MMRN1: variants seen among roughly 807,000 people sequenced by gnomAD.
MMRN1 encodes the protein multimerin-1.
MMRN1 carries 94 observed loss-of-function variants against 100.7 expected under a neutral mutation model. The observed-to-expected ratio is 0.93, with a 90% confidence interval of 0.79 to 1.11. The LOEUF (loss-of-function observed/expected upper bound fraction) is 1.11. Among genes scored for constraint, MMRN1 ranks in the 50% least tolerant of loss-of-function variants. The pLI is 0.00. For synonymous variants in MMRN1, 575 were observed against 505.0 expected (o/e 1.14, Z -1.86); for missense variants, 1,606 against 1,439.1 (o/e 1.12, Z -1.88).
intron 1 of MMRN1, among the ~76,000 whole-genome samples, chr4:89,899,354 G>T (rs1721309296): frequency 6.6e-6 from 1 of 152,016 alleles, no homozygotes; most frequent in Non-Finnish European, 1.5e-5. Context: ...TTTATATGTT[G>T]AACAAATATT....
intron 1 of MMRN1, among the ~76,000 whole-genome samples, chr4:89,908,363 T>G (rs1442912785): frequency 6.6e-6 from 1 of 151,458 alleles, no homozygotes; most frequent in African/African-American, 2.4e-5. Context: ...CTGAAATTTA[T>G]GTTTTTAGTT....
chr4:89,919,983 C>A (rs914234528), intron 3 of MMRN1, among the ~76,000 whole-genome samples: 1 of 152,096 alleles, frequency 6.6e-6, no homozygotes, highest in Admixed American at 6.6e-5. Flanking sequence ...TTCACAAAAT[C>A]TATGCACTGC....
intron 4 of MMRN1, among the ~76,000 whole-genome samples, chr4:89,923,734 T>C (rs1722161499): frequency 6.6e-6 from 1 of 152,234 alleles, no homozygotes; most frequent in Non-Finnish European, 1.5e-5. Flanking sequence ...AACCTCCTGC[T>C]GATCCAAAGT....
At position 89,901,324 on chromosome 4, in the gene MMRN1, AAG is replaced by A. The variant is rs554825958; in HGVS notation, c.623+5733_623+5734del. ...AAGGTAAAATTTGAATATGCAGAAA[AAG>A]AGGGATTTTTTTTCTGAGTTTAATG... On this transcript the variant is annotated intron_variant, in intron 1 of 7. Coordinates refer to ENST00000264790, the MANE Select transcript of MMRN1 (RefSeq NM_007351.3). 3.5e-3 allele frequency among the ~76,000 whole-genome samples: 531 copies of A among 152,114 alleles called. 1 individual carries two copies. Among genetic ancestry groups the A allele is most frequent in the African/African-American group, 0.011 (477 of 41,488 alleles).
chr4:89,922,564 T>C (rs1188373708), intron 3 of MMRN1, among the ~76,000 whole-genome samples: 1 of 152,224 alleles, frequency 6.6e-6, no homozygotes, highest in Non-Finnish European at 1.5e-5. Flanking sequence ...AGATTTATTT[T>C]ACAAGAATTT....
At chr4:89,910,979 A>T (rs143922043) in intron 2 of MMRN1, among the ~76,000 whole-genome samples, 8 of 151,518 alleles carry the variant, frequency 5.3e-5, no homozygotes, top group Non-Finnish European at 7.4e-5. Flanking sequence ...AGCCCACATG[A>T]CATGGGCTAA....
At chr4:89,946,837 A>C (rs1383410816) in intron 6 of MMRN1, among the ~76,000 whole-genome samples, 1 of 152,192 alleles carries the variant, frequency 6.6e-6, no homozygotes, top group Non-Finnish European at 1.5e-5. Flanking sequence ...TATAAATGAA[A>C]TATCAGTTAT....
chr4:89,940,934 A>G (rs989563022), intron 6 of MMRN1, among the ~76,000 whole-genome samples: 4 of 152,142 alleles, frequency 2.6e-5, no homozygotes, highest in Admixed American at 6.6e-5. Context: ...GCATATGCTT[A>G]TAACTTAGCT....
chr4:89,894,507 A>G (rs943566509), upstream of MMRN1, among the ~76,000 whole-genome samples: 2 of 152,204 alleles, frequency 1.3e-5, no homozygotes, highest in African/African-American at 4.8e-5. Flanking sequence ...AAGTATCATA[A>G]AAACTTTTCT....
At chr4:89,918,538 C>T (rs548690967) in intron 3 of MMRN1, among the ~76,000 whole-genome samples, 32 of 151,964 alleles carry the variant, frequency 2.1e-4, no homozygotes, top group African/African-American at 7.0e-4. Flanking sequence ...TTCCATCTCT[C>T]TTTCCATCTT....
Position 89,952,882 on chromosome 4 carries a change from G to A in MMRN1, c.3266-115G>A, listed in dbSNP as rs576434946. The A allele has an allele frequency of 2.9e-4, 280 of 976,458 alleles. 3 individuals carry two copies. In the South Asian group the frequency reaches 4.6e-3, roughly 16 times the overall value. The allele number at this position is 976,458 out of a possible 1,614,324, so 60.5% of individuals were successfully genotyped here. A position where few individuals can be genotyped will look rare whatever the true frequency, so the allele number is the denominator to read the frequency against. On this transcript the variant is annotated intron_variant, in intron 7 of 7. Transcript: ENST00000264790. ...GCACCTTTGCTAAGTTTGATGGATG[G>A]CCTTTCTCTTCTGCTAAGACTTTTT... is the stretch of plus-strand genomic sequence containing the variant.
intron 5 of MMRN1, among the ~76,000 whole-genome samples, chr4:89,934,146 A>G (rs1020161343): frequency 2.0e-5 from 3 of 151,964 alleles, no homozygotes; most frequent in Admixed American, 6.6e-5. Context: ...TCTTTTTGTT[A>G]AAAATTAATG....
chr4:89,937,336 G>C (rs1722679342), intron 6 of MMRN1, among the ~76,000 whole-genome samples: 1 of 151,998 alleles, frequency 6.6e-6, no homozygotes, highest in African/African-American at 2.4e-5. Context: ...CAGTGGATTG[G>C]TTGTGATAAG....
chr4:89,903,424 T>C lies in MMRN1; in HGVS notation c.624-5852T>C, dbSNP rs58514521. Among the ~76,000 whole-genome samples the C allele has an allele frequency of 0.013, 1,981 of 151,820 alleles. 218 individuals are homozygous for C. The East Asian group carries it at 0.29, about 23-fold the overall frequency. On this transcript the variant is annotated intron_variant, in intron 1 of 7. Transcript: ENST00000264790. ...AAATGATGATGATGGTCTTCTGTAT[T>C]GGCTTTATGGAAATTATTGACTTGA...
intron 7 of MMRN1, among the ~76,000 whole-genome samples, chr4:89,951,952 T>TG (rs1723193205): frequency 1.3e-5 from 2 of 152,192 alleles, no homozygotes; most frequent in Admixed American, 6.6e-5. Flanking sequence ...CTTATTCACA[T>TG]GCACCTGTTG....
intron 3 of MMRN1, among the ~76,000 whole-genome samples, chr4:89,921,065 A>G (rs1722072312): frequency 6.6e-6 from 1 of 152,124 alleles, no homozygotes; most frequent in Non-Finnish European, 1.5e-5. Flanking sequence ...CAACAAAACA[A>G]TATTATCTTT....
intron 4 of MMRN1, 106 bp from the exon 5 acceptor site, chr4:89,927,689 T>C (rs1722304333): frequency 1.4e-5 from 14 of 975,340 alleles, no homozygotes; most frequent in Non-Finnish European, 2.0e-5. Flanking sequence ...TTTGTTGTGC[T>C]CCAGCTTACA....
chr4:89,936,647 G>C lies in MMRN1; in HGVS notation c.2967G>C (p.Ser989=). 3.1e-6 allele frequency: 5 copies of C among 1,613,422 alleles called. No individual in the cohort carries two copies. Among genetic ancestry groups the C allele is most frequent in the Non-Finnish European group, 4.2e-6 (5 of 1,179,622 alleles). Reference sequence around the variant, plus strand: ...ATTTAACTTGTTGTATAGATCGATCGTTGCCTGGTAGTCTGGCAAATGTTG... The same window carrying C: ...ATTTAACTTGTTGTATAGATCGATCCTTGCCTGGTAGTCTGGCAAATGTTG... ...LSNLTCCIDR[S]LPGSLANVVK... is the part of the protein sequence containing the mutation. Residue 989 remains serine, a synonymous_variant, in exon 6 of 8, where the codon TCG becomes TCC. Coordinates refer to ENST00000264790, the MANE Select transcript of MMRN1 (RefSeq NM_007351.3).
intron 1 of MMRN1, among the ~76,000 whole-genome samples, chr4:89,903,464 T>C (rs908852476): frequency 1.3e-5 from 2 of 151,708 alleles, no homozygotes; most frequent in African/African-American, 4.8e-5. Flanking sequence ...TACAAGCAAT[T>C]ATGGTTAAGA....
Sources: gnomAD v4.1 joint callset for allele counts (sites outside exome capture counted in the v4.1 genomes callset) on GRCh38, gnomAD v4.1.1 for gene constraint, MANE v1.5 for transcripts, NCBI Gene and HGNC (gene_info 2026-07-23, HGNC 2026-07-21) for gene names.